Variants in CAPN3 observed in about 807,000 individuals in gnomAD.
CAPN3 encodes the protein calpain 3.
CAPN3 carries 88 observed loss-of-function variants against 114.0 expected under a neutral mutation model. That is an observed-to-expected ratio of 0.77 (90% CI 0.65 to 0.92). CAPN3 has a LOEUF of 0.92. Ranked by LOEUF, CAPN3 falls within the 40% of genes least tolerant of loss-of-function variation. The pLI, the probability that CAPN3 is intolerant of heterozygous loss-of-function variation, is 0.00. For synonymous variants in CAPN3, 386 were observed against 382.9 expected (o/e 1.01, Z -0.09); for missense variants, 1,028 against 1,069.0 (o/e 0.96, Z 0.53).
At chr15:42,398,163 C>T (rs1346941869) in intron 9 of CAPN3, among the ~76,000 whole-genome samples, 2 of 151,874 alleles carry the variant, frequency 1.3e-5, no homozygotes, top group Non-Finnish European at 2.9e-5. Flanking sequence ...TTTGGGGGTA[C>T]ATATGATATT....
At chr15:42,392,398 ATTG>A (rs1423088949) in intron 6 of CAPN3, among the ~76,000 whole-genome samples, 1 of 151,836 alleles carries the variant, frequency 6.6e-6, no homozygotes, top group Non-Finnish European at 1.5e-5. Context: ...CAGCATCCAC[ATTG>A]CTCTCTGATG....
At chr15:42,408,908 G>C (rs1326726974) in intron 16 of CAPN3, 1 of 310,646 alleles carries the variant, frequency 3.2e-6, no homozygotes, top group Non-Finnish European at 6.2e-6. Flanking sequence ...TGGGGCCTAG[G>C]GGAGGTTCTC....
intron 14 of CAPN3, 43 bp from the exon 15 acceptor site, chr15:42,405,883 C>T: frequency 6.4e-7 from 1 of 1,573,630 alleles, no homozygotes; most frequent in Non-Finnish European, 8.7e-7. Context: ...TGAGAACTTA[C>T]TTTTCACTTA....
intron 19 of CAPN3, 112 bp downstream of exon 19, chr15:42,410,107 T>C (rs771392761): frequency 1.6e-4 from 154 of 953,610 alleles, no homozygotes; most frequent in Non-Finnish European, 2.5e-4. Flanking sequence ...CAGGGAAACT[T>C]AAGGAGACCC....
At chr15:42,406,003 T>A (rs1595841996) in intron 15 of CAPN3, 60 bp downstream of exon 15, 1 of 1,423,288 alleles carries the variant, frequency 7.0e-7, no homozygotes, top group East Asian at 2.3e-5. Context: ...TGTGCATGCA[T>A]GTGAAGTGTG....
chr15:42,406,310 T>G (rs1336031055), intron 15 of CAPN3, among the ~76,000 whole-genome samples: 1 of 152,172 alleles, frequency 6.6e-6, no homozygotes, highest in African/African-American at 2.4e-5. Flanking sequence ...CCAGGCAGTC[T>G]GGGTCCAGAG....
rs1566977074 is a variant in CAPN3, at chr15:42,392,664, CAAG to C, written c.974_976del (p.Arg325del). On this transcript the variant is annotated inframe_deletion, in exon 7 of 24. Transcript: ENST00000397163. ...ACAATCATTCCGGTTCAGTATGAGACAAGAATGGCCTGCGGGCTGGTCAGAGGT... is the reference window on the plus strand; with the variant it reads ...ACAATCATTCCGGTTCAGTATGAGACAATGGCCTGCGGGCTGGTCAGAGGT... 1 of 1,613,992 alleles carries C rather than the reference CAAG, an allele frequency of 6.2e-7. No homozygotes were observed. Among genetic ancestry groups the C allele is most frequent in the East Asian group, 2.2e-5 (1 of 44,874 alleles).
At chr15:42,365,641 G>C (rs959934256) in intron 1 of CAPN3, among the ~76,000 whole-genome samples, 1 of 151,844 alleles carries the variant, frequency 6.6e-6, no homozygotes, top group African/African-American at 2.4e-5. Flanking sequence ...GTCATTACAG[G>C]GCCCCACCCG....
At chr15:42,379,768 T>C (rs1240024792) in intron 1 of CAPN3, among the ~76,000 whole-genome samples, 1 of 152,192 alleles carries the variant, frequency 6.6e-6, no homozygotes, top group Non-Finnish European at 1.5e-5. Context: ...CCAACTTTCT[T>C]TTGATTATTG....
In CAPN3 at chr15:42,376,158, G is replaced by T. The variant is rs552018317; in HGVS notation, c.310-8325G>T. Among the ~76,000 whole-genome samples, 96 of 152,322 alleles carry T rather than the reference G, an allele frequency of 6.3e-4. No homozygotes were observed. The Middle Eastern group carries it at 0.024, about 38-fold the overall frequency. On this transcript the variant is annotated intron_variant, in intron 1 of 23. Transcript: ENST00000397163. Reference sequence around the variant, plus strand: ...GCAATAAACATGCCTTCTCATTGTGGTGTTGACCTTGGTCATGTGGCTGAA... The same window carrying T: ...GCAATAAACATGCCTTCTCATTGTGTTGTTGACCTTGGTCATGTGGCTGAA...
chr15:42,385,737 A>G (rs1412485831), intron 2 of CAPN3: 3 of 521,864 alleles, frequency 5.7e-6, no homozygotes, highest in South Asian at 4.2e-5. Flanking sequence ...ATCTTGGTGG[A>G]TGGTTCTCTG....
chr15:42,387,988 C>CT, intron 4 of CAPN3, 102 bp downstream of exon 4: 1 of 1,388,636 alleles, frequency 7.2e-7, no homozygotes, highest in East Asian at 2.3e-5. Context: ...TGCCTCTATA[C>CT]GTGCATATGT....
chr15:42,397,584 C>T (rs548454003), intron 9 of CAPN3, among the ~76,000 whole-genome samples: 28 of 149,700 alleles, frequency 1.9e-4, no homozygotes, highest in African/African-American at 6.9e-4. Flanking sequence ...GCAGAGGTTA[C>T]AGTGAGCCCA....
intron 13 of CAPN3, among the ~76,000 whole-genome samples, chr15:42,403,331 T>C (rs28364497): frequency 2.0e-5 from 3 of 152,218 alleles, no homozygotes; most frequent in East Asian, 3.9e-4. Flanking sequence ...AGAGGTGATA[T>C]GGAGCAAAAA....
intron 9 of CAPN3, among the ~76,000 whole-genome samples, chr15:42,398,691 ATATGTG>A (rs1230597771): frequency 7.6e-6 from 1 of 131,224 alleles, no homozygotes; most frequent in Admixed American, 7.4e-5. Flanking sequence ...GTCTGTATAT[ATATGTG>A]TGTGTGTATA....
chr15:42,394,828 T>G (rs972194792), intron 8 of CAPN3, among the ~76,000 whole-genome samples: 3 of 152,146 alleles, frequency 2.0e-5, no homozygotes, highest in Non-Finnish European at 4.4e-5. Flanking sequence ...TGAAAGAATT[T>G]TACTGCTTAT....
At chr15:42,370,077 T>C (rs2052905194) in intron 1 of CAPN3, among the ~76,000 whole-genome samples, 1 of 151,982 alleles carries the variant, frequency 6.6e-6, no homozygotes, top group Admixed American at 6.6e-5. Flanking sequence ...TTCACCATGT[T>C]GGCCAGGCTG....
Sources: gnomAD v4.1 joint callset for allele counts (sites outside exome capture counted in the v4.1 genomes callset) on GRCh38, gnomAD v4.1.1 for gene constraint, MANE v1.5 for transcripts, NCBI Gene and HGNC (gene_info 2026-07-23, HGNC 2026-07-21) for gene names.